The following ATG10 variants were observed in gnomAD, a reference collection of about 807,000 sequenced individuals.
ATG10 encodes autophagy related 10.
Under a neutral mutation model 32.1 loss-of-function variants are expected in ATG10, and 30 were observed. That is an observed-to-expected ratio of 0.94 (90% CI 0.70 to 1.27). The LOEUF (loss-of-function observed/expected upper bound fraction) is 1.27. ATG10 is among the 50% of genes most tolerant of loss of function. The probability of loss-of-function intolerance (pLI) is 0.00; values close to 1 mark genes in which losing one functional copy is unlikely to be tolerated. For missense variants in ATG10, 233 were observed against 262.3 expected (o/e 0.89, Z 0.77); for synonymous variants, 87 against 91.5 (o/e 0.95, Z 0.28).
intron 1 of ATG10, among the ~76,000 whole-genome samples, chr5:81,978,549 G>A (rs181599225): frequency 6.6e-6 from 1 of 152,242 alleles, no homozygotes; most frequent in Admixed American, 6.5e-5. Context: ...ATCAGTGGTG[G>A]AACATTTTTT....
chr5:82,081,744 G>T (rs1298590023), intron 3 of ATG10, among the ~76,000 whole-genome samples: 2 of 152,188 alleles, frequency 1.3e-5, no homozygotes, highest in African/African-American at 4.8e-5. Flanking sequence ...TGGATGTGCT[G>T]CTGGATTCGG....
intron 5 of ATG10, among the ~76,000 whole-genome samples, chr5:82,237,566 C>T (rs996485731): frequency 1.3e-5 from 2 of 151,878 alleles, no homozygotes; most frequent in Non-Finnish European, 2.9e-5. Context: ...ATTGCTTGAA[C>T]CAGGAGGCAG....
At chr5:82,184,041 A>G (rs1214912997) in intron 5 of ATG10, among the ~76,000 whole-genome samples, 4 of 152,158 alleles carry the variant, frequency 2.6e-5, no homozygotes, top group African/African-American at 4.8e-5. Context: ...TTGCACATGC[A>G]TGTTGTGCAA....
chr5:82,139,812 G>A (rs1374362387), intron 3 of ATG10, among the ~76,000 whole-genome samples: 4 of 139,660 alleles, frequency 2.9e-5, no homozygotes, highest in African/African-American at 8.1e-5. Flanking sequence ...CCCTCAGCCC[G>A]GCCAGCCACC....
chr5:82,010,445 T>C (rs1347564076), intron 2 of ATG10, among the ~76,000 whole-genome samples: 1 of 152,240 alleles, frequency 6.6e-6, no homozygotes, highest in Non-Finnish European at 1.5e-5. Context: ...TTTAGGAACA[T>C]GCTAGGTGTT....
chr5:82,178,428 G>A, intron 4 of ATG10, 62 bp from the exon 5 acceptor site: 1 of 987,432 alleles, frequency 1.0e-6, no homozygotes, highest in Non-Finnish European at 1.6e-6. Flanking sequence ...GTTTTAGATT[G>A]ACACCAAGCA....
chr5:82,222,171 A>G (rs1339259269), intron 5 of ATG10, among the ~76,000 whole-genome samples: 1 of 152,238 alleles, frequency 6.6e-6, no homozygotes, highest in Non-Finnish European at 1.5e-5. Context: ...AAGACAAAGT[A>G]TAGTTAGTGG....
Position 82,182,009 on chromosome 5 carries a change from T to C in ATG10, c.453+3422T>C, listed in dbSNP as rs535211699. ...GAAAGAAAGTTAACAGGTACTTAGGTTGGATCTGCCTTAATTGTTATAGTG... is the reference window on the plus strand; with the variant it reads ...GAAAGAAAGTTAACAGGTACTTAGGCTGGATCTGCCTTAATTGTTATAGTG... On this transcript the variant is annotated intron_variant, in intron 5 of 7. Coordinates refer to ENST00000282185, the MANE Select transcript of ATG10 (RefSeq NM_031482.5). Among the ~76,000 whole-genome samples, 14 of 152,288 alleles carry C rather than the reference T, an allele frequency of 9.2e-5. No homozygotes were observed. The South Asian group carries it at 2.5e-3, about 27-fold the overall frequency.
intron 5 of ATG10, among the ~76,000 whole-genome samples, chr5:82,247,517 G>T (rs1747084603): frequency 6.6e-6 from 1 of 151,992 alleles, no homozygotes; most frequent in East Asian, 1.9e-4. Context: ...CTTGAGATTA[G>T]CTATTTGCAG....
chr5:82,024,843 T>A (rs1762550022), intron 2 of ATG10, among the ~76,000 whole-genome samples: 1 of 152,158 alleles, frequency 6.6e-6, no homozygotes. Flanking sequence ...GACCACTGAG[T>A]GGAGTTGGTG....
chr5:82,161,619 C>T lies in ATG10; in HGVS notation c.217-2780C>T, dbSNP rs371705133. ...ATAGAAATTAATGACCCAAATCCTT[C>T]GATTAAGTATGCACTTAAGAATTGC... is the stretch of plus-strand genomic sequence containing the variant. On this transcript the variant is annotated intron_variant, in intron 3 of 7. Coordinates refer to ENST00000282185, the MANE Select transcript of ATG10 (RefSeq NM_031482.5). Among the ~76,000 whole-genome samples, 11 of 150,186 alleles carry T rather than the reference C, an allele frequency of 7.3e-5. No individual in the cohort carries two copies. In the East Asian group the frequency reaches 9.9e-4, roughly 14 times the overall value.
intron 3 of ATG10, among the ~76,000 whole-genome samples, chr5:82,069,368 G>T (rs951966633): frequency 2.0e-5 from 3 of 152,012 alleles, no homozygotes; most frequent in Non-Finnish European, 4.4e-5. Context: ...AAAATCATTG[G>T]CCAGAACAAT....
At chr5:82,208,903 A>G (rs531103675) in intron 5 of ATG10, among the ~76,000 whole-genome samples, 1 of 152,316 alleles carries the variant, frequency 6.6e-6, no homozygotes, top group South Asian at 2.1e-4. Context: ...TTCATTTGCT[A>G]ACATTTTGCT....
chr5:82,065,603 A>T (rs1237427368), intron 3 of ATG10, among the ~76,000 whole-genome samples: 1 of 152,050 alleles, frequency 6.6e-6, no homozygotes, highest in African/African-American at 2.4e-5. Context: ...TATTGATACT[A>T]CCATATCACT....
chr5:82,008,580 A>C (rs1257205688), intron 2 of ATG10, among the ~76,000 whole-genome samples: 1 of 152,260 alleles, frequency 6.6e-6, no homozygotes, highest in East Asian at 1.9e-4. Flanking sequence ...ATAAATGAAA[A>C]ATTTTAAAAT....
chr5:82,139,253 C>T (rs1195686168), intron 3 of ATG10, among the ~76,000 whole-genome samples: 1 of 147,092 alleles, frequency 6.8e-6, no homozygotes, highest in Non-Finnish European at 1.5e-5. Context: ...CAGCCTCTGC[C>T]GGGCCACCAC....
intron 2 of ATG10, chr5:81,992,614 G>A (rs1761497490): frequency 6.6e-6 from 1 of 152,022 alleles, no homozygotes. Context: ...ATGTTGGCCA[G>A]GCTGGTCTTG....
chr5:82,167,798 G>C (rs949656726), intron 4 of ATG10, among the ~76,000 whole-genome samples: 1 of 152,144 alleles, frequency 6.6e-6, no homozygotes, highest in African/African-American at 2.4e-5. Context: ...CTACTACTTT[G>C]GTGTACAGGA....
At chr5:82,123,813 G>C (rs1305064385) in intron 3 of ATG10, among the ~76,000 whole-genome samples, 1 of 150,410 alleles carries the variant, frequency 6.6e-6, no homozygotes. Context: ...GTGTAAGCCT[G>C]TTGTCTCAGC....
Sources: gnomAD v4.1 joint callset for allele counts (sites outside exome capture counted in the v4.1 genomes callset) on GRCh38, gnomAD v4.1.1 for gene constraint, MANE v1.5 for transcripts, NCBI Gene and HGNC (gene_info 2026-07-23, HGNC 2026-07-21) for gene names.